DCDC2: variants seen among roughly 807,000 people sequenced by gnomAD.
DCDC2 encodes doublecortin domain-containing protein 2.
In DCDC2, 40 loss-of-function variants were observed where a neutral mutation model predicts 50.2. The observed-to-expected ratio is 0.80, with a 90% CI of 0.62 to 1.04. The LOEUF is 1.04. Ranked by LOEUF, DCDC2 falls within the 50% of genes least tolerant of loss-of-function variation. The pLI is 0.00. For synonymous variants in DCDC2, 234 were observed against 210.6 expected (o/e 1.11, Z -0.96); for missense variants, 570 against 581.9 (o/e 0.98, Z 0.21).
intron 7 of DCDC2, among the ~76,000 whole-genome samples, chr6:24,210,103 T>TG (rs1761833750): frequency 6.6e-6 from 1 of 151,544 alleles, no homozygotes; most frequent in African/African-American, 2.4e-5. Flanking sequence ...TTCACCCTCC[T>TG]GGTTTTACCA....
chr6:24,317,013 AAATTT>A (rs1759682187), intron 2 of DCDC2, among the ~76,000 whole-genome samples: 1 of 151,914 alleles, frequency 6.6e-6, no homozygotes, highest in South Asian at 2.1e-4. Flanking sequence ...AGAGAGAGAC[AAATTT>A]GACTTCGTAA....
chr6:24,196,284 C>T (rs959582722), intron 8 of DCDC2, among the ~76,000 whole-genome samples: 2 of 151,298 alleles, frequency 1.3e-5, no homozygotes, highest in African/African-American at 4.9e-5. Flanking sequence ...GTTGGATAGA[C>T]AGCATTTAAG....
chr6:24,223,156 G>A (rs1024494205), intron 7 of DCDC2, among the ~76,000 whole-genome samples: 2 of 152,170 alleles, frequency 1.3e-5, no homozygotes, highest in African/African-American at 4.8e-5. Context: ...TAATATCATT[G>A]AAACTGTGCC....
chr6:24,234,212 G>A (rs554912022), intron 7 of DCDC2, among the ~76,000 whole-genome samples: 1 of 140,026 alleles, frequency 7.1e-6, no homozygotes, highest in Non-Finnish European at 1.6e-5. Context: ...TGAGGAAGGA[G>A]AATTTTAAAG....
intron 7 of DCDC2, among the ~76,000 whole-genome samples, chr6:24,274,577 G>T (rs1201637693): frequency 8.5e-6 from 1 of 117,024 alleles, no homozygotes; most frequent in East Asian, 2.8e-4. Context: ...GAATTATTAA[G>T]CTTTACTATT....
chr6:24,224,379 C>A (rs1667827875), intron 7 of DCDC2, among the ~76,000 whole-genome samples: 1 of 152,192 alleles, frequency 6.6e-6, no homozygotes, highest in Non-Finnish European at 1.5e-5. Context: ...ACTATGTGTT[C>A]TCATGGTCTA....
At chr6:24,363,859 A>C in the DCDC2 span, among the ~76,000 whole-genome samples, 1 of 152,186 alleles carries the variant, frequency 6.6e-6, no homozygotes, top group Non-Finnish European at 1.5e-5. Context: ...CGCTGAAAAC[A>C]CAGATCTATC....
chr6:24,259,346 A>G (rs1302426500), intron 7 of DCDC2, among the ~76,000 whole-genome samples: 1 of 152,216 alleles, frequency 6.6e-6, no homozygotes. Flanking sequence ...ATTACGAAAA[A>G]TGAAAGTTTT....
chr6:24,304,311 T>C (rs774404573), intron 2 of DCDC2, among the ~76,000 whole-genome samples: 7 of 152,120 alleles, frequency 4.6e-5, no homozygotes, highest in South Asian at 2.1e-4. Context: ...GGTGAAACCC[T>C]ATCTCTACTG....
intron 2 of DCDC2, among the ~76,000 whole-genome samples, chr6:24,350,672 T>C (rs1760352311): frequency 6.6e-6 from 1 of 152,102 alleles, no homozygotes; most frequent in African/African-American, 2.4e-5. Context: ...AAACTCCCCC[T>C]TGAAACAACT....
chr6:24,208,889 C>T (rs1028055744), intron 7 of DCDC2, among the ~76,000 whole-genome samples: 1 of 152,148 alleles, frequency 6.6e-6, no homozygotes, highest in Non-Finnish European at 1.5e-5. Flanking sequence ...TATATAAACA[C>T]CAAATTTTTG....
intron 4 of DCDC2, among the ~76,000 whole-genome samples, chr6:24,292,173 AT>A (rs1261349610): frequency 6.6e-6 from 1 of 152,140 alleles, no homozygotes; most frequent in Non-Finnish European, 1.5e-5. Context: ...GTCCACAAAA[AT>A]TTTTTTAAAG....
At chr6:24,358,943 A>ATTATATATTATATATT (rs1760563615), upstream of DCDC2, among the ~76,000 whole-genome samples, 12 of 54,278 alleles carry the variant, frequency 2.2e-4, no homozygotes, top group African/African-American at 1.1e-3. Context: ...TATTTTATAT[A>ATTATATATTATATATT]TTATATATTA....
intron 8 of DCDC2, 28 bp downstream of exon 8, chr6:24,204,974 C>T: frequency 6.3e-7 from 1 of 1,591,358 alleles, no homozygotes; most frequent in Non-Finnish European, 8.6e-7. Context: ...AATTGTCTTA[C>T]ACATATTTTT....
chr6:24,333,192 C>T (rs985282582), intron 2 of DCDC2, among the ~76,000 whole-genome samples: 19 of 152,134 alleles, frequency 1.2e-4, no homozygotes, highest in African/African-American at 4.3e-4. Flanking sequence ...AGAAGAAAGG[C>T]CAGAAGTCAT....
chr6:24,262,713 T>C (rs771884553), intron 7 of DCDC2, among the ~76,000 whole-genome samples: 7 of 152,190 alleles, frequency 4.6e-5, no homozygotes, highest in Non-Finnish European at 8.8e-5. Flanking sequence ...GATGCACTCA[T>C]CCAGGCCCTA....
At chr6:24,203,790 GAAAA>G (rs953336135) in intron 8 of DCDC2, among the ~76,000 whole-genome samples, 2 of 147,974 alleles carry the variant, frequency 1.4e-5, no homozygotes, top group South Asian at 4.3e-4. Context: ...AAATTTACAA[GAAAA>G]AAAACAAACA....
intron 7 of DCDC2, among the ~76,000 whole-genome samples, chr6:24,219,176 A>G (rs537648387): frequency 9.2e-4 from 140 of 152,326 alleles, no homozygotes; most frequent in African/African-American, 3.2e-3. Context: ...ACTTAAGAAA[A>G]TATCTGTTTT....
At chr6:24,327,482 T>C (rs186999281) in intron 2 of DCDC2, among the ~76,000 whole-genome samples, 1 of 147,698 alleles carries the variant, frequency 6.8e-6, no homozygotes, top group East Asian at 2.3e-4. Flanking sequence ...ATTTATTTAT[T>C]TATTGGCTGA....
Sources: gnomAD v4.1 joint callset for allele counts (sites outside exome capture counted in the v4.1 genomes callset) on GRCh38, gnomAD v4.1.1 for gene constraint, MANE v1.5 for transcripts, NCBI Gene and HGNC (gene_info 2026-07-23, HGNC 2026-07-21) for gene names.